ANKS1B: variants seen among roughly 807,000 people sequenced by gnomAD.
ANKS1B encodes ankyrin repeat and sterile alpha motif domain-containing protein 1B.
A neutral mutation model predicts 148.3 loss-of-function variants in ANKS1B; 36 were observed. The observed-to-expected ratio is 0.24, with a 90% CI of 0.19 to 0.32. The LOEUF (loss-of-function observed/expected upper bound fraction) is 0.32, where lower values mean the gene tolerates loss of function less well. Ranked by LOEUF, ANKS1B falls within the 10% of genes least tolerant of loss-of-function variation. The probability of loss-of-function intolerance (pLI) is 1.00; values close to 1 mark genes in which losing one functional copy is unlikely to be tolerated. For missense variants in ANKS1B, 1,157 were observed against 1,542.6 expected, an observed-to-expected ratio of 0.75 and a Z score of 4.19; for synonymous variants, 542 against 560.8, an observed-to-expected ratio of 0.97 and a Z score of 0.47.
chr12:98,837,262 G>A (rs898019464), intron 17 of ANKS1B, among the ~76,000 whole-genome samples: 9 of 151,862 alleles, frequency 5.9e-5, no homozygotes, highest in South Asian at 2.1e-4. Flanking sequence ...ACTTGAACCC[G>A]GGAGGTGGAA....
At chr12:99,451,237 G>GA (rs1352322287) in intron 10 of ANKS1B, among the ~76,000 whole-genome samples, 1 of 151,986 alleles carries the variant, frequency 6.6e-6, no homozygotes, top group Admixed American at 6.6e-5. Context: ...AACAACATTA[G>GA]AAAAAATACT....
intron 10 of ANKS1B, among the ~76,000 whole-genome samples, chr12:99,447,715 G>C (rs1036365977): frequency 6.6e-6 from 1 of 152,050 alleles, no homozygotes; most frequent in African/African-American, 2.4e-5. Context: ...CTGATAAGGA[G>C]TTAACATCCA....
At chr12:99,224,071 C>A (rs2085509556) in intron 14 of ANKS1B, among the ~76,000 whole-genome samples, 2 of 151,814 alleles carry the variant, frequency 1.3e-5, no homozygotes, top group African/African-American at 4.8e-5. Context: ...GGTCACTTTT[C>A]AGGAAGAAAT....
chr12:99,165,295 A>C (rs183615887), intron 14 of ANKS1B, among the ~76,000 whole-genome samples: 1 of 152,110 alleles, frequency 6.6e-6, no homozygotes, highest in African/African-American at 2.4e-5. Context: ...GGGGAAATAA[A>C]TGAAACAAAA....
At chr12:99,849,839 C>G (rs766735135) in intron 1 of ANKS1B, among the ~76,000 whole-genome samples, 1 of 152,040 alleles carries the variant, frequency 6.6e-6, no homozygotes, top group Non-Finnish European at 1.5e-5. Context: ...CAGGGCACAA[C>G]TGGGGTTTCT....
chr12:99,215,196 T>G (rs2083972932), intron 14 of ANKS1B, among the ~76,000 whole-genome samples: 1 of 152,166 alleles, frequency 6.6e-6, no homozygotes. Context: ...GGCCTGCAGG[T>G]GCACAGAAGT....
At chr12:99,303,671 T>C (rs1294252748) in intron 12 of ANKS1B, among the ~76,000 whole-genome samples, 1 of 152,150 alleles carries the variant, frequency 6.6e-6, no homozygotes, top group African/African-American at 2.4e-5. Context: ...GAACAGGTGG[T>C]GTTTGGTTAC....
chr12:99,732,544 A>G (rs902862164), intron 8 of ANKS1B, among the ~76,000 whole-genome samples: 2 of 152,180 alleles, frequency 1.3e-5, no homozygotes, highest in African/African-American at 4.8e-5. Context: ...AAAAAAAATT[A>G]TAGTGATAGA....
chr12:99,727,181 A>C (rs569795110), intron 8 of ANKS1B, among the ~76,000 whole-genome samples: 1 of 152,118 alleles, frequency 6.6e-6, no homozygotes, highest in Admixed American at 6.6e-5. Flanking sequence ...ATTCGAATAG[A>C]AAGAGAGGAA....
chr12:99,914,304 C>A (rs1302544309), intron 1 of ANKS1B, among the ~76,000 whole-genome samples: 1 of 152,176 alleles, frequency 6.6e-6, no homozygotes, highest in East Asian at 1.9e-4. Context: ...TAACCCCTAA[C>A]AGGCTACAGC....
chr12:99,309,318 G>T (rs778704097), intron 12 of ANKS1B, among the ~76,000 whole-genome samples: 2 of 151,802 alleles, frequency 1.3e-5, no homozygotes, highest in Admixed American at 1.3e-4. Context: ...TATGAGTGTG[G>T]AATTTTATCA....
chr12:99,880,255 A>G (rs1451267363), intron 1 of ANKS1B, among the ~76,000 whole-genome samples: 1 of 152,216 alleles, frequency 6.6e-6, no homozygotes, highest in Non-Finnish European at 1.5e-5. Context: ...TGAAAACAAT[A>G]CTATGAGGTA....
chr12:99,124,661 A>G (rs1208023524), intron 15 of ANKS1B, among the ~76,000 whole-genome samples: 1 of 152,164 alleles, frequency 6.6e-6, no homozygotes, highest in Non-Finnish European at 1.5e-5. Context: ...GGAAGTAAAA[A>G]TGATAGAGAA....
intron 17 of ANKS1B, among the ~76,000 whole-genome samples, chr12:98,866,257 A>G (rs1368075353): frequency 6.6e-6 from 1 of 152,188 alleles, no homozygotes; most frequent in Non-Finnish European, 1.5e-5. Flanking sequence ...ATCTTCAGTT[A>G]CAGCACTCCT....
At chr12:99,581,883 G>C (rs1161483727) in intron 9 of ANKS1B, among the ~76,000 whole-genome samples, 2 of 143,364 alleles carry the variant, frequency 1.4e-5, no homozygotes, top group Non-Finnish European at 3.0e-5. Context: ...GGGCGACAGA[G>C]CGAGACTCCG....
intron 9 of ANKS1B, among the ~76,000 whole-genome samples, chr12:99,611,688 T>C (rs2097903765): frequency 1.3e-5 from 2 of 152,018 alleles, no homozygotes; most frequent in Non-Finnish European, 2.9e-5. Context: ...TTAATGCCCA[T>C]TTGAGATTTT....
In ANKS1B at chr12:99,650,763, G is replaced by A. The variant is rs80332463; in HGVS notation, c.1272+4304C>T. Among the ~76,000 whole-genome samples, 596 of 152,084 alleles carry A rather than the reference G, an allele frequency of 3.9e-3. 30 individuals are homozygous for A. In the East Asian group the frequency reaches 0.066, roughly 17 times the overall value. ...AGATAGAAAAATAAAATGTAATATA[G>A]GATCAATTCATAATCTGGACAAAAA... is the stretch of plus-strand genomic sequence containing the variant. On this transcript the variant is annotated intron_variant, in intron 9 of 26. Transcript: ENST00000683438.
chr12:99,979,986 C>T (rs560700277), intron 1 of ANKS1B, among the ~76,000 whole-genome samples: 2 of 151,374 alleles, frequency 1.3e-5, no homozygotes, highest in African/African-American at 2.4e-5. Context: ...GAAGTTAATA[C>T]GCTGAAAGAC....
chr12:99,563,259 C>G (rs2097355917), intron 9 of ANKS1B, among the ~76,000 whole-genome samples: 1 of 152,170 alleles, frequency 6.6e-6, no homozygotes. Context: ...ATTTGGATAA[C>G]TGTTTGGCAT....
Sources: allele counts gnomAD v4.1 joint callset (sites outside exome capture counted in the v4.1 genomes callset), GRCh38; gene constraint gnomAD v4.1.1; transcripts MANE v1.5; gene names NCBI Gene and HGNC (gene_info 2026-07-23, HGNC 2026-07-21).